Variants in KLHL29 observed in about 807,000 individuals in gnomAD.
KLHL29 encodes the protein kelch-like protein 29.
Under a neutral mutation model 80.4 loss-of-function variants are expected in KLHL29, and 21 were observed. The observed-to-expected ratio is 0.26, with a 90% CI of 0.19 to 0.38. The LOEUF is 0.38. Ranked by LOEUF, KLHL29 falls within the 10% of genes least tolerant of loss-of-function variation. KLHL29 has a pLI of 1.00. For missense variants in KLHL29, 867 were observed against 1,223.9 expected (o/e 0.71, Z 4.35); for synonymous variants, 511 against 526.8 (o/e 0.97, Z 0.41).
intron 3 of KLHL29, among the ~76,000 whole-genome samples, chr2:23,602,753 C>A (rs948757381): frequency 2.0e-5 from 3 of 151,964 alleles, no homozygotes; most frequent in Non-Finnish European, 4.4e-5. Context: ...CACTCCCGAC[C>A]TCTACATGGG....
At chr2:23,550,392 G>A (rs10179169) in intron 2 of KLHL29, among the ~76,000 whole-genome samples, 22,265 of 152,102 alleles carry the variant, frequency 0.15, 2,382 homozygotes, top group African/African-American at 0.28. Flanking sequence ...ACTAGAGATG[G>A]AGACCAGAAA....
At chr2:23,484,445 A>C (rs1461139324) in intron 2 of KLHL29, among the ~76,000 whole-genome samples, 1 of 152,188 alleles carries the variant, frequency 6.6e-6, no homozygotes, top group Admixed American at 6.5e-5. Context: ...TGCTTTTACA[A>C]AGTAACCTAG....
rs143145967 is a variant in KLHL29 at position 23,467,106 on chromosome 2, T to C, written c.-153-8454T>C. Among the ~76,000 whole-genome samples the C allele has an allele frequency of 1.1e-3, 174 of 152,330 alleles. 1 individual carries two copies. The highest frequency in any genetic ancestry group is 3.8e-3 in the African/African-American group (157 of 41,582). ...GTCACTCACCTTCTCCTGCCTTTGG[T>C]GACCCTGCCTGGATCCAGACATCAA... On this transcript the variant is annotated intron_variant, in intron 1 of 13. Transcript: ENST00000486442.
In KLHL29 at chr2:23,684,333, T is replaced by C; in HGVS notation, c.941-66T>C. Reference sequence around the variant, plus strand: ...CTTCTTGAAAAAAGAAAAAAAACTTTTTTTAATTAAAAAAAAAAAAACTCT... The same window carrying C: ...CTTCTTGAAAAAAGAAAAAAAACTTCTTTTAATTAAAAAAAAAAAAACTCT... On this transcript the variant is annotated intron_variant, in intron 5 of 13. Coordinates refer to ENST00000486442, the MANE Select transcript of KLHL29 (RefSeq NM_052920.2). The surrounding 1 kb of genome is among the most constrained non-coding windows in gnomAD (Gnocchi z 4.4). The C allele has an allele frequency of 1.3e-5, 16 of 1,246,682 alleles. No homozygotes were observed. The highest frequency in any genetic ancestry group is 1.7e-5 in the Non-Finnish European group (16 of 958,602). The allele number at this position is 1,246,682 out of a possible 1,614,324, so 77.2% of individuals were successfully genotyped here.
At chr2:23,422,028 T>C (rs1276655732) in intron 1 of KLHL29, among the ~76,000 whole-genome samples, 1 of 151,780 alleles carries the variant, frequency 6.6e-6, no homozygotes, top group African/African-American at 2.4e-5. Context: ...ATATGTCTTA[T>C]GTCTGTGTGT....
chr2:23,423,153 G>A (rs1662874759), intron 1 of KLHL29, among the ~76,000 whole-genome samples: 1 of 152,208 alleles, frequency 6.6e-6, no homozygotes, highest in South Asian at 2.1e-4. Context: ...GAAGTTCCTG[G>A]TCACAGGAAG....
intron 2 of KLHL29, among the ~76,000 whole-genome samples, chr2:23,494,779 T>G (rs1242303882): frequency 2.0e-5 from 3 of 152,200 alleles, no homozygotes. Context: ...TCACCTAGTT[T>G]TCTCTCCCAC....
chr2:23,401,860 A>G (rs571625815), intron 1 of KLHL29, among the ~76,000 whole-genome samples: 1 of 152,308 alleles, frequency 6.6e-6, no homozygotes, highest in African/African-American at 2.4e-5. Flanking sequence ...AGCAGTCCCC[A>G]CATCTCTGAG....
chr2:23,525,227 A>G (rs1049185698), intron 2 of KLHL29, among the ~76,000 whole-genome samples: 1 of 152,246 alleles, frequency 6.6e-6, no homozygotes, highest in African/African-American at 2.4e-5. Context: ...GGCTAAGGCC[A>G]GGCCCACGCC....
chr2:23,620,834 G>A (rs540624287), intron 3 of KLHL29, among the ~76,000 whole-genome samples: 1 of 152,340 alleles, frequency 6.6e-6, no homozygotes, highest in South Asian at 2.1e-4. Flanking sequence ...GGCCAAGCCC[G>A]CAGAGCCGGG....
At chr2:23,590,738 T>A (rs953552361) in intron 3 of KLHL29, among the ~76,000 whole-genome samples, 9 of 152,078 alleles carry the variant, frequency 5.9e-5, no homozygotes, top group African/African-American at 2.2e-4. Flanking sequence ...ATCCCCTACA[T>A]GGCCCAGGAC....
intron 2 of KLHL29, among the ~76,000 whole-genome samples, chr2:23,510,317 G>T (rs139092086): frequency 1.1e-4 from 16 of 152,314 alleles, no homozygotes; most frequent in African/African-American, 3.4e-4. Context: ...GAGGTTTGCT[G>T]CTGAGCCACC....
chr2:23,470,290 G>T (rs1162362341), intron 1 of KLHL29, among the ~76,000 whole-genome samples: 1 of 152,168 alleles, frequency 6.6e-6, no homozygotes, highest in African/African-American at 2.4e-5. Context: ...TGCCTGGAAA[G>T]TTTCGTACTC....
intron 1 of KLHL29, among the ~76,000 whole-genome samples, chr2:23,466,856 G>C (rs1664367378): frequency 6.6e-6 from 1 of 152,198 alleles, no homozygotes; most frequent in South Asian, 2.1e-4. Context: ...TCTGCAGGAA[G>C]GAAGACTGGG....
At chr2:23,614,732 A>ACCC in intron 3 of KLHL29, among the ~76,000 whole-genome samples, 1 of 152,236 alleles carries the variant, frequency 6.6e-6, no homozygotes, top group East Asian at 1.9e-4. Flanking sequence ...TTGAGCAGAG[A>ACCC]CCCAAGGAGG....
chr2:23,465,809 A>T (rs1664335468), intron 1 of KLHL29, among the ~76,000 whole-genome samples: 2 of 151,854 alleles, frequency 1.3e-5, no homozygotes, highest in South Asian at 2.1e-4. Context: ...AAGTCGTCCT[A>T]CTCCCTCTGG....
At position 23,618,710 on chromosome 2, in the gene KLHL29, T is replaced by A. The variant is rs536110140; in HGVS notation, c.286-20429T>A. Among the ~76,000 whole-genome samples the A allele has an allele frequency of 2.6e-5, 4 of 152,276 alleles. No homozygotes were observed. The South Asian group carries it at 8.3e-4, about 32-fold the overall frequency. On this transcript the variant is annotated intron_variant, in intron 3 of 13. Coordinates refer to ENST00000486442, the MANE Select transcript of KLHL29 (RefSeq NM_052920.2). ...TCCTTATAATAAATCGTATATTATA[T>A]ATATAATTTCTATGCTATTAGTTCC...
chr2:23,504,484 G>T (rs1488213812), intron 2 of KLHL29, among the ~76,000 whole-genome samples: 1 of 152,182 alleles, frequency 6.6e-6, no homozygotes, highest in African/African-American at 2.4e-5. Context: ...CAGCAAAGGC[G>T]GCTGTCTGGA....
chr2:23,597,307 ATATGTGTG>A (rs1668435711), intron 3 of KLHL29, among the ~76,000 whole-genome samples: 5 of 106,642 alleles, frequency 4.7e-5, no homozygotes, highest in African/African-American at 1.3e-4. Flanking sequence ...ATATATATAT[ATATGTGTG>A]TGTGTGTGTG....
Sources: gnomAD v4.1 joint callset for allele counts (sites outside exome capture counted in the v4.1 genomes callset) on GRCh38, gnomAD v4.1.1 for gene constraint, Gnocchi (gnomAD v3.1) non-coding constraint, MANE v1.5 for transcripts, NCBI Gene and HGNC (gene_info 2026-07-23, HGNC 2026-07-21) for gene names.